Variants in TFAP4 observed in about 807,000 individuals in gnomAD.
The protein encoded by TFAP4 is activating enhancer-binding protein 4.
A neutral mutation model predicts 40.4 loss-of-function variants in TFAP4; 7 were observed. The observed-to-expected ratio is 0.17, with a 90% confidence interval of 0.10 to 0.33. TFAP4 has a LOEUF of 0.33. Among genes scored for constraint, TFAP4 ranks in the 10% least tolerant of loss-of-function variants. The probability of loss-of-function intolerance (pLI) is 1.00; values close to 1 mark genes in which losing one functional copy is unlikely to be tolerated. For synonymous variants in TFAP4, 218 were observed against 181.4 expected, an observed-to-expected ratio of 1.20 and a Z score of -1.62; for missense variants, 374 against 451.1, an observed-to-expected ratio of 0.83 and a Z score of 1.55.
Position 4,260,233 on chromosome 16 carries a change from G to C in TFAP4, c.679C>G (p.Pro227Ala). 1 of 1,547,132 alleles carries C rather than the reference G, an allele frequency of 6.5e-7. No homozygotes were observed. Residue 227 changes from proline (P) to alanine (A), a missense_variant, in exon 6 of 7, where the codon CCG (proline) becomes GCG (alanine). Coordinates refer to ENST00000204517, the MANE Select transcript of TFAP4 (RefSeq NM_003223.3). The stretch of plus-strand genomic sequence containing the variant: ...ACCGTGGGGTGGTGGGTGGGGGCCG[G>C]AGGGGGCAGAAGCTGCAAGACAGAG... ...QQLRTQLLPP[P>A]APTHHPTVIV... is the part of the protein sequence containing the mutation.
At chr16:4,261,315 T>A (rs2052945564) in intron 4 of TFAP4, among the ~76,000 whole-genome samples, 1 of 151,802 alleles carries the variant, frequency 6.6e-6, no homozygotes, top group South Asian at 2.1e-4. Context: ...AGTCTCGCTC[T>A]GTCTCCCAGA....
intron 1 of TFAP4, chr16:4,263,270 T>C (rs1270587806): frequency 6.5e-6 from 1 of 153,756 alleles, no homozygotes; most frequent in Non-Finnish European, 1.4e-5. Context: ...CATCAAAACA[T>C]CCAAGAGCTT....
intron 1 of TFAP4, among the ~76,000 whole-genome samples, chr16:4,270,410 G>A (rs2053031635): frequency 6.6e-6 from 1 of 152,208 alleles, no homozygotes; most frequent in Admixed American, 6.5e-5. Context: ...AAGCCCACCA[G>A]CCTGAGATGA....
intron 1 of TFAP4, chr16:4,264,855 A>C (rs1340338601): frequency 6.6e-6 from 1 of 152,316 alleles, no homozygotes; most frequent in Admixed American, 6.5e-5. Context: ...AGGTGGGAAG[A>C]GATGTCCATA....
At chr16:4,259,548 AT>A (rs560583428) in intron 6 of TFAP4, among the ~76,000 whole-genome samples, 4 of 151,952 alleles carry the variant, frequency 2.6e-5, no homozygotes, top group African/African-American at 7.3e-5. Flanking sequence ...AGATTGATGG[AT>A]TTTTTTTCCT....
At chr16:4,262,285 C>T in intron 3 of TFAP4, 39 bp downstream of exon 3, 2 of 1,601,120 alleles carry the variant, frequency 1.2e-6, no homozygotes, top group African/African-American at 1.3e-5. Flanking sequence ...CAAGGCATGC[C>T]CATGCCAGGG....
At position 4,260,221 on chromosome 16, in the gene TFAP4, GGGT is replaced by G; in HGVS notation, c.688_690del (p.Thr230del). 1 of 1,558,544 alleles carries G rather than the reference GGGT, an allele frequency of 6.4e-7. No homozygotes were observed. The highest frequency in any genetic ancestry group is 8.7e-7 in the Non-Finnish European group (1 of 1,154,596). ...GCTGGCACGATCACCGTGGGGTGGT[GGGT>G]GGGGGCCGGAGGGGGCAGAAGCTGC... is the stretch of plus-strand genomic sequence containing the variant. On this transcript the variant is annotated inframe_deletion, in exon 6 of 7. Coordinates refer to ENST00000204517, the MANE Select transcript of TFAP4 (RefSeq NM_003223.3).
In TFAP4 at chr16:4,272,956, G is replaced by A. The variant is rs1291234491; in HGVS notation, c.-210C>T. The A allele has an allele frequency of 7.8e-4, 10 of 12,816 alleles. No individual in the cohort carries two copies. Among genetic ancestry groups the A allele is most frequent in the East Asian group, 7.4e-3 (1 of 136 alleles). 0.8% of individuals were successfully genotyped at this position (12,816 alleles called of 1,614,324 possible). A position where few individuals can be genotyped will look rare whatever the true frequency, so the allele number is the denominator to read the frequency against. ...GGCCTGCCTCCCCGGGCGTGTGTAT[G>A]TGTGTGTGTGTGTGTGTGTGTGTGT... On this transcript the variant is annotated 5_prime_UTR_variant, in exon 1 of 7. Transcript: ENST00000204517.
rs1308987563 is a variant in TFAP4, at chr16:4,261,341, A to G, written c.525+438T>C. 2.0e-5 allele frequency among the ~76,000 whole-genome samples: 3 copies of G among 150,744 alleles called. No homozygotes were observed. The East Asian group carries it at 5.9e-4, about 29-fold the overall frequency. On this transcript the variant is annotated intron_variant, in intron 4 of 6. Transcript: ENST00000204517. Reference sequence around the variant, plus strand: ...GTCTCCCAGACTGGAGTGCAGTGGCACGATCTCGGCTCACTGCAAGCTCTG... The same window carrying G: ...GTCTCCCAGACTGGAGTGCAGTGGCGCGATCTCGGCTCACTGCAAGCTCTG...
At chr16:4,260,657 T>G in intron 4 of TFAP4, 62 bp from the exon 5 acceptor site, 1 of 1,504,950 alleles carries the variant, frequency 6.6e-7, no homozygotes. Flanking sequence ...CCTGTCAGTC[T>G]CACAGCAGCT....
In TFAP4 at chr16:4,257,354, A is replaced by G. The variant is rs1314453877; in HGVS notation, c.*701T>C. On this transcript the variant is annotated 3_prime_UTR_variant, in exon 7 of 7. Transcript: ENST00000204517. ...AAAGAAAAAAAAGAAAAACAAAACA[A>G]AAACAGAAAGCAAACCAAAAAGAAA... 6.6e-6 allele frequency: 1 copy of G among 151,982 alleles called. No individual in the cohort carries two copies. Among genetic ancestry groups the G allele is most frequent in the Non-Finnish European group, 1.5e-5 (1 of 67,938 alleles). 9.4% of individuals were successfully genotyped at this position (151,982 alleles called of 1,614,324 possible). A position where few individuals can be genotyped will look rare whatever the true frequency, so the allele number is the denominator to read the frequency against.
In TFAP4 at chr16:4,257,329, A is replaced by G. The variant is rs1294154154; in HGVS notation, c.*726T>C. 1 of 145,472 alleles carries G rather than the reference A, an allele frequency of 6.9e-6. No individual in the cohort carries two copies. Among genetic ancestry groups the G allele is most frequent in the African/African-American group, 2.5e-5 (1 of 39,334 alleles). The allele number at this position is 145,472 out of a possible 1,614,324, so 9.0% of individuals were successfully genotyped here. ...AAAATTGTAAAAAAAAAAAAAAAAGAAAGAAAAAAAAGAAAAACAAAACAA... is the reference window on the plus strand; with the variant it reads ...AAAATTGTAAAAAAAAAAAAAAAAGGAAGAAAAAAAAGAAAAACAAAACAA... On this transcript the variant is annotated 3_prime_UTR_variant, in exon 7 of 7. Coordinates refer to ENST00000204517, the MANE Select transcript of TFAP4 (RefSeq NM_003223.3).
At position 4,259,335 on chromosome 16, in the gene TFAP4, A is replaced by G. The variant is rs547518968; in HGVS notation, c.822+755T>C. 2.0e-5 allele frequency among the ~76,000 whole-genome samples: 3 copies of G among 151,994 alleles called. No individual in the cohort carries two copies. In the East Asian group the frequency reaches 5.9e-4, roughly 30 times the overall value. On this transcript the variant is annotated intron_variant, in intron 6 of 6. Transcript: ENST00000204517. ...TTTTAATAGAGATGGGGTTTTCACCATGTTGGCCAGGCTGGTCTCGAACTC... is the reference window on the plus strand; with the variant it reads ...TTTTAATAGAGATGGGGTTTTCACCGTGTTGGCCAGGCTGGTCTCGAACTC...
chr16:4,261,163 A>T (rs981516096), intron 4 of TFAP4, among the ~76,000 whole-genome samples: 7 of 151,694 alleles, frequency 4.6e-5, no homozygotes, highest in Non-Finnish European at 1.0e-4. Context: ...GTAGAGACAG[A>T]GTCTCACTAT....
intron 1 of TFAP4, chr16:4,263,439 C>A (rs1047275580): frequency 6.6e-6 from 1 of 152,222 alleles, no homozygotes; most frequent in Non-Finnish European, 1.5e-5. Flanking sequence ...ATTTGCTAGG[C>A]ACCTGGAGCG....
At chr16:4,261,716 C>T (rs1297357502) in intron 4 of TFAP4, 63 bp downstream of exon 4, 3 of 1,473,496 alleles carry the variant, frequency 2.0e-6, no homozygotes, top group East Asian at 4.8e-5. Context: ...GAGCAAGAGG[C>T]GCGACCCCAG....
At chr16:4,271,550 T>A (rs1018302710) in intron 1 of TFAP4, among the ~76,000 whole-genome samples, 1 of 152,180 alleles carries the variant, frequency 6.6e-6, no homozygotes, top group African/African-American at 2.4e-5. Flanking sequence ...GCGGGGTGGT[T>A]TGGCTGTGTG....
At chr16:4,258,285 G>T in intron 6 of TFAP4, 36 bp from the exon 7 acceptor site, 1 of 1,524,640 alleles carries the variant, frequency 6.6e-7, no homozygotes, top group East Asian at 2.3e-5. Flanking sequence ...GGCTCGGCCG[G>T]GGATACATGG....
At position 4,258,110 on chromosome 16, in the gene TFAP4, C is replaced by T; in HGVS notation, c.962G>A (p.Ser321Asn). 1.9e-6 allele frequency: 3 copies of T among 1,613,914 alleles called. No homozygotes were observed. In the South Asian group the frequency reaches 3.3e-5, roughly 18 times the overall value. ...CTCCCGGCTCTGGTCCATGGCGTCA[C>T]TGTCTGAGGCCTCGGAGTCGGAGGC... ...DTASDSEASD[S>N]DAMDQSREEP... is the part of the protein sequence containing the mutation. The change falls in exon 7 of 7, where the codon AGT becomes AAT. Residue 321 changes from serine (S) to asparagine (N), a missense_variant. By Grantham distance (46) the Ser-to-Asn change is conservative. Coordinates refer to ENST00000204517, the MANE Select transcript of TFAP4 (RefSeq NM_003223.3).
Sources: gnomAD v4.1 joint callset for allele counts (sites outside exome capture counted in the v4.1 genomes callset) on GRCh38, gnomAD v4.1.1 for gene constraint, MANE v1.5 for transcripts, NCBI Gene and HGNC (gene_info 2026-07-23, HGNC 2026-07-21) for gene names.